The following PIK3CB variants were observed in gnomAD, a reference collection of about 807,000 sequenced individuals.
PIK3CB encodes the protein phosphatidylinositol-4,5-bisphosphate 3-kinase catalytic subunit beta, also known as phosphatidylinositol 4,5-bisphosphate 3-kinase catalytic subunit beta isoform.
In PIK3CB, 39 loss-of-function variants were observed where a neutral mutation model predicts 136.8. The observed-to-expected ratio is 0.29, with a 90% CI of 0.22 to 0.37. The LOEUF is 0.37. PIK3CB is among the 10% of genes least tolerant of loss of function. The pLI is 1.00. For synonymous variants in PIK3CB, 428 were observed against 436.6 expected (o/e 0.98, Z 0.25); for missense variants, 868 against 1,275.4 (o/e 0.68, Z 4.87).
At chr3:138,741,824 T>A (rs540409064) in intron 5 of PIK3CB, among the ~76,000 whole-genome samples, 15 of 148,058 alleles carry the variant, frequency 1.0e-4, no homozygotes, top group African/African-American at 3.5e-4. Context: ...CAAGACTCCG[T>A]CTAAAAAAAA....
At chr3:138,794,989 A>G (rs1301557823) in intron 2 of PIK3CB, among the ~76,000 whole-genome samples, 1 of 152,012 alleles carries the variant, frequency 6.6e-6, no homozygotes, top group Non-Finnish European at 1.5e-5. Flanking sequence ...ACTGGACTCC[A>G]GCCTGAGTGA....
intron 1 of PIK3CB, among the ~76,000 whole-genome samples, chr3:138,830,316 G>A (rs1156725181): frequency 2.6e-5 from 4 of 152,240 alleles, no homozygotes; most frequent in Non-Finnish European, 5.9e-5. Flanking sequence ...TTGGAAGGAC[G>A]AGGTGGGCGG....
chr3:138,680,813 G>C (rs752335660), intron 19 of PIK3CB, among the ~76,000 whole-genome samples: 1 of 151,618 alleles, frequency 6.6e-6, no homozygotes, highest in East Asian at 1.9e-4. Flanking sequence ...TCAGCCTCCC[G>C]AGTAGCTGGG....
chr3:138,712,463 C>T (rs553738803), intron 9 of PIK3CB, among the ~76,000 whole-genome samples, 159 bp from the exon 10 acceptor site: 1 of 152,192 alleles, frequency 6.6e-6, no homozygotes, highest in African/African-American at 2.4e-5. Context: ...GAAAAATGCT[C>T]ACTATCTTTA....
chr3:138,826,406 G>A (rs1933782226), intron 1 of PIK3CB: 11 of 1,314,298 alleles, frequency 8.4e-6, no homozygotes, highest in Non-Finnish European at 1.2e-5. Context: ...GTTTCAATCA[G>A]CCATTTAGGT....
chr3:138,811,650 T>G (rs563620825), intron 1 of PIK3CB, among the ~76,000 whole-genome samples: 8 of 152,060 alleles, frequency 5.3e-5, no homozygotes, highest in Non-Finnish European at 1.2e-4. Context: ...GGTCTTGATC[T>G]CCTGACCTCA....
intron 8 of PIK3CB, 58 bp from the exon 9 acceptor site, chr3:138,714,777 A>G: frequency 7.1e-7 from 1 of 1,409,154 alleles, no homozygotes; most frequent in Non-Finnish European, 9.6e-7. Context: ...CACGAAAAAC[A>G]TCTCTTTTTG....
Position 138,759,297 on chromosome 3 carries a change from T to A in PIK3CB, c.47A>T (p.Asp16Val), listed in dbSNP as rs766489153. The change falls in exon 3 of 24, where the codon GAC becomes GTC. Residue 16 changes from aspartate to valine, a missense_variant. Coordinates refer to ENST00000674063, the MANE Select transcript of PIK3CB (RefSeq NM_006219.3). ...IMPPAMADIL[D>V]IWAVDSQIAS... ...TATCTGTGAATCCACCGCCCAGATG[T>A]CAAGGATGTCTGCCATAGCAGGAGG... 3 of 1,611,852 alleles carry A rather than the reference T, an allele frequency of 1.9e-6. No individual in the cohort carries two copies. In the African/African-American group the frequency reaches 4.0e-5, roughly 22 times the overall value.
intron 12 of PIK3CB, among the ~76,000 whole-genome samples, chr3:138,702,495 T>A (rs571952260): frequency 1.3e-5 from 2 of 152,204 alleles, no homozygotes; most frequent in Non-Finnish European, 2.9e-5. Context: ...TTAGGTCAGG[T>A]ACAAGTTTAT....
intron 2 of PIK3CB, among the ~76,000 whole-genome samples, chr3:138,787,830 C>T (rs988044794): frequency 6.6e-6 from 1 of 151,724 alleles, no homozygotes; most frequent in Non-Finnish European, 1.5e-5. Context: ...GGACACGGTC[C>T]CTGAAGCTTA....
chr3:138,825,425 C>G (rs1162822853), intron 1 of PIK3CB: 6 of 675,496 alleles, frequency 8.9e-6, no homozygotes, highest in Non-Finnish European at 1.6e-5. Context: ...ACTGAGCCAC[C>G]CTACAGCCAA....
chr3:138,717,517 T>G lies in PIK3CB; in HGVS notation c.1051-2798A>C, dbSNP rs552408921. On this transcript the variant is annotated intron_variant, in intron 8 of 23. Transcript: ENST00000674063. ...CATTAAATGAAACCATGAATGAAAA[T>G]AGAAATTTTTTGTGGTTTTTTTTTA... Among the ~76,000 whole-genome samples, 5 of 138,086 alleles carry G rather than the reference T, an allele frequency of 3.6e-5. No individual in the cohort carries two copies. The East Asian group carries it at 1.2e-3, about 32-fold the overall frequency. 90.6% of individuals were successfully genotyped at this position (138,086 alleles called of 152,430 possible).
At chr3:138,713,334 T>C (rs2044542970) in intron 9 of PIK3CB, among the ~76,000 whole-genome samples, 1 of 151,244 alleles carries the variant, frequency 6.6e-6, no homozygotes. Flanking sequence ...TTTAGAAGAC[T>C]ATATGATGAT....
intron 14 of PIK3CB, among the ~76,000 whole-genome samples, chr3:138,692,019 AAG>A (rs2044019473): frequency 6.6e-6 from 1 of 152,220 alleles, no homozygotes; most frequent in African/African-American, 2.4e-5. Context: ...ATACATTTAT[AAG>A]TGGGAATTGA....
intron 1 of PIK3CB, among the ~76,000 whole-genome samples, chr3:138,800,897 A>G (rs2046167239): frequency 6.6e-6 from 1 of 152,174 alleles, no homozygotes; most frequent in South Asian, 2.1e-4. Context: ...AAGTACTGGG[A>G]TTATAGGCGT....
At chr3:138,828,279 G>C (rs997109969) in intron 1 of PIK3CB, among the ~76,000 whole-genome samples, 1 of 145,888 alleles carries the variant, frequency 6.9e-6, no homozygotes, top group East Asian at 2.1e-4. Context: ...TCCGCCTCCC[G>C]GGTTGACGCC....
chr3:138,737,394 CAAAAAAAAAAAAAAAA>C (rs11344311), intron 6 of PIK3CB, among the ~76,000 whole-genome samples: 5 of 39,076 alleles, frequency 1.3e-4, no homozygotes, highest in African/African-American at 5.4e-4. Flanking sequence ...CACTCTGTCT[CAAAAAAAAAAAAAAAA>C]AAAAAAAAAA....
intron 14 of PIK3CB, among the ~76,000 whole-genome samples, 197 bp from the exon 15 acceptor site, chr3:138,691,340 T>A (rs2044003850): frequency 6.6e-6 from 1 of 152,040 alleles, no homozygotes; most frequent in South Asian, 2.1e-4. Flanking sequence ...GAAAAGGGAG[T>A]CAAGAGGGTC....
At position 138,671,875 on chromosome 3, in the gene PIK3CB, T is replaced by C. The variant is rs146206656; in HGVS notation, c.2505-6672A>G. ...GTTGTACAATCTAAACTAATCCTGG[T>C]TGGCTAAACATCTGAATTTTTTTAG... On this transcript the variant is annotated intron_variant, in intron 19 of 23. Coordinates refer to ENST00000674063, the MANE Select transcript of PIK3CB (RefSeq NM_006219.3). Among the ~76,000 whole-genome samples the C allele has an allele frequency of 5.5e-3, 835 of 152,310 alleles. 4 individuals carry two copies. Among genetic ancestry groups the C allele is most frequent in the African/African-American group, 0.016 (646 of 41,572 alleles).
Sources: gnomAD v4.1 joint callset for allele counts (sites outside exome capture counted in the v4.1 genomes callset) on GRCh38, gnomAD v4.1.1 for gene constraint, MANE v1.5 for transcripts, NCBI Gene and HGNC (gene_info 2026-07-23, HGNC 2026-07-21) for gene names.